FARP2: variants seen among roughly 807,000 people sequenced by gnomAD.
FARP2 encodes FERM, ARH/RhoGEF and pleckstrin domain protein 2, also known as FERM, ARHGEF and pleckstrin domain-containing protein 2.
FARP2 carries 111 observed loss-of-function variants against 130.5 expected under a neutral mutation model. The ratio of observed to expected loss-of-function variants is 0.85; its 90% CI spans 0.73 to 1.00. The LOEUF is 1.00. Among genes scored for constraint, FARP2 ranks in the 50% least tolerant of loss-of-function variants. The pLI is 0.00. For missense variants in FARP2, 1,385 were observed against 1,346.3 expected (o/e 1.03, Z -0.45); for synonymous variants, 504 against 516.9 (o/e 0.98, Z 0.34).
In FARP2 at chr2:241,441,473, A is replaced by G; in HGVS notation, c.1328A>G (p.Glu443Gly). 1 of 1,614,158 alleles carries G rather than the reference A, an allele frequency of 6.2e-7. No individual in the cohort carries two copies. Among genetic ancestry groups the G allele is most frequent in the South Asian group, 1.1e-5 (1 of 91,086 alleles). The change falls in exon 13 of 27, where the codon GAG becomes GGG. Residue 443 changes from glutamate (E) to glycine (G), a missense_variant. By Grantham distance (98) the Glu-to-Gly change is moderately conservative. Transcript: ENST00000264042. ...TCCTACGTCAAGAGTCCAGCTGCAG[A>G]GAGGCGCAGTGGAGCAGTGGCTGGA... is the stretch of plus-strand genomic sequence containing the variant. The part of the protein sequence containing the change: ...QVSYVKSPAA[E>G]RRSGAVAGGP...
At chr2:241,407,390 G>T (rs2062388757) in intron 4 of FARP2, 147 bp from the exon 5 acceptor site, 1 of 626,750 alleles carries the variant, frequency 1.6e-6, no homozygotes, top group African/African-American at 1.9e-5. Context: ...CCACACCTGG[G>T]CAGAAATTTC....
chr2:241,364,357 C>A (rs1253524738), intron 1 of FARP2, among the ~76,000 whole-genome samples: 1 of 152,188 alleles, frequency 6.6e-6, no homozygotes, highest in Non-Finnish European at 1.5e-5. Flanking sequence ...TATTCTCCCC[C>A]AAGGAAATCC....
chr2:241,451,962 C>T lies in FARP2; in HGVS notation c.1412-4785C>T, dbSNP rs560822131. On this transcript the variant is annotated intron_variant, in intron 13 of 26. Coordinates refer to ENST00000264042, the MANE Select transcript of FARP2 (RefSeq NM_014808.4). ...TAGAGATGGGGTTTCACCATGCTGG[C>T]CAGGCTTCTCTCAAACTCCTGACCT... is the stretch of plus-strand genomic sequence containing the variant. Among the ~76,000 whole-genome samples the T allele has an allele frequency of 3.3e-5, 5 of 152,288 alleles. No individual in the cohort carries two copies. In the East Asian group the frequency reaches 9.6e-4, roughly 29 times the overall value.
intron 6 of FARP2, among the ~76,000 whole-genome samples, chr2:241,412,544 A>G (rs555764992): frequency 6.6e-6 from 1 of 152,352 alleles, no homozygotes; most frequent in South Asian, 2.1e-4. Flanking sequence ...GCTTTAAATT[A>G]TTGAACTTTA....
At chr2:241,493,153 C>T (rs954377435) in intron 25 of FARP2, 117 bp downstream of exon 25, 4 of 1,170,418 alleles carry the variant, frequency 3.4e-6, no homozygotes, top group Non-Finnish European at 5.1e-6. Context: ...GCCCACACAC[C>T]CTGTGCTGTG....
At chr2:241,469,299 C>T (rs985696342) in intron 18 of FARP2, among the ~76,000 whole-genome samples, 3 of 152,074 alleles carry the variant, frequency 2.0e-5, no homozygotes, top group African/African-American at 4.8e-5. Context: ...GTTGGCCAGG[C>T]TAGTCTCGAA....
rs763386574 is a variant in FARP2, at chr2:241,463,440, C to T, written c.1783C>T (p.Arg595Cys). 50 of 1,613,856 alleles carry T rather than the reference C, an allele frequency of 3.1e-5. No individual in the cohort carries two copies. The highest frequency in any genetic ancestry group is 5.5e-5 in the South Asian group (5 of 91,076). The change falls in exon 16 of 27, where the codon CGC becomes TGC. Residue 595 changes from arginine to cysteine, a missense_variant. Physicochemically the swap from Arg to Cys is radical, Grantham distance 180. Transcript: ENST00000264042. ...PIYEFHRGFL[R>C]EVEQRLALWE... Reference sequence around the variant, plus strand: ...CTATGAGTTCCACAGAGGCTTCCTGCGCGAGGTGGAGCAGAGGCTGGCACT... The same window carrying T: ...CTATGAGTTCCACAGAGGCTTCCTGTGCGAGGTGGAGCAGAGGCTGGCACT...
intron 8 of FARP2, among the ~76,000 whole-genome samples, chr2:241,425,744 T>C (rs1458310360): frequency 4.3e-5 from 3 of 70,304 alleles, no homozygotes; most frequent in Non-Finnish European, 6.7e-5. Flanking sequence ...TCTCTCTCTT[T>C]TTTTTTTTTT....
At chr2:241,388,376 A>G in intron 2 of FARP2, among the ~76,000 whole-genome samples, 1 of 152,248 alleles carries the variant, frequency 6.6e-6, no homozygotes, top group Middle Eastern at 3.2e-3. Flanking sequence ...GAATATCCAC[A>G]TGCAAAGAAT....
intron 1 of FARP2, among the ~76,000 whole-genome samples, chr2:241,357,072 C>G (rs1057449238): frequency 3.3e-5 from 5 of 152,192 alleles, no homozygotes; most frequent in African/African-American, 1.2e-4. Flanking sequence ...ATGGCAGCAA[C>G]CCCTGGCCTA....
intron 1 of FARP2, among the ~76,000 whole-genome samples, chr2:241,371,098 G>T (rs1327690208): frequency 6.6e-6 from 1 of 152,220 alleles, no homozygotes; most frequent in African/African-American, 2.4e-5. Context: ...GTGTGCAGAA[G>T]TTCAAAAGGT....
chr2:241,444,907 G>C, intron 13 of FARP2: 1 of 152,080 alleles, frequency 6.6e-6, no homozygotes, highest in Non-Finnish European at 1.5e-5. Flanking sequence ...TTCTTTCCTT[G>C]GGTATTTTGT....
At chr2:241,436,429 G>T in intron 11 of FARP2, 52 bp from the exon 12 acceptor site, 1 of 1,531,614 alleles carries the variant, frequency 6.5e-7, no homozygotes, top group African/African-American at 1.4e-5. Context: ...TTAAAAACAG[G>T]CGCTGAGAAG....
intron 9 of FARP2, among the ~76,000 whole-genome samples, chr2:241,432,841 G>A (rs538600453): frequency 5.9e-5 from 9 of 152,362 alleles, no homozygotes; most frequent in African/African-American, 2.2e-4. Context: ...AAGCTTAAGA[G>A]ATGGCCATGC....
chr2:241,444,581 C>T (rs1349105609), intron 13 of FARP2: 2 of 152,218 alleles, frequency 1.3e-5, no homozygotes, highest in Non-Finnish European at 2.9e-5. Flanking sequence ...CCTGGTGAAG[C>T]TAATGCTGTG....
intron 5 of FARP2, among the ~76,000 whole-genome samples, chr2:241,408,691 A>G (rs1252446315): frequency 1.3e-5 from 2 of 152,226 alleles, no homozygotes; most frequent in Admixed American, 1.3e-4. Context: ...AAAACCCAAA[A>G]TTAGATATAA....
intron 26 of FARP2, 129 bp from the exon 27 acceptor site, chr2:241,493,879 G>T (rs2065027253): frequency 1.7e-6 from 1 of 580,476 alleles, no homozygotes; most frequent in African/African-American, 1.9e-5. Flanking sequence ...TTATAGGCAT[G>T]AGCCACCGCA....
intron 2 of FARP2, among the ~76,000 whole-genome samples, chr2:241,396,554 A>AT (rs2062033928): frequency 6.6e-6 from 1 of 152,266 alleles, no homozygotes; most frequent in African/African-American, 2.4e-5. Flanking sequence ...AAAAGAAGAC[A>AT]TTTATGCAGC....
chr2:241,493,053 G>A lies in FARP2; in HGVS notation c.2895+17G>A, dbSNP rs752098658. 2.9e-6 allele frequency: 4 copies of A among 1,386,616 alleles called. No individual in the cohort carries two copies. The African/African-American group carries it at 5.7e-5, about 20-fold the overall frequency. The allele number at this position is 1,386,616 out of a possible 1,614,324, so 85.9% of individuals were successfully genotyped here. A position where few individuals can be genotyped will look rare whatever the true frequency, so the allele number is the denominator to read the frequency against. ...ACTCATCAGGTACTGGAGTTTCACT[G>A]GAGCCCAATGCAGGTGATGCTAGCA... On this transcript the variant is annotated intron_variant, in intron 25 of 26. Coordinates refer to ENST00000264042, the MANE Select transcript of FARP2 (RefSeq NM_014808.4).
Sources: gnomAD v4.1 joint callset for allele counts (sites outside exome capture counted in the v4.1 genomes callset) on GRCh38, gnomAD v4.1.1 for gene constraint, MANE v1.5 for transcripts, NCBI Gene and HGNC (gene_info 2026-07-23, HGNC 2026-07-21) for gene names.